The following GRIK1 variants were observed in gnomAD, a reference collection of about 807,000 sequenced individuals.
The protein encoded by GRIK1 is glutamate receptor ionotropic, kainate 1.
A neutral mutation model predicts 105.7 loss-of-function variants in GRIK1; 69 were observed. That is an observed-to-expected ratio of 0.65 (90% CI 0.54 to 0.80). The LOEUF (loss-of-function observed/expected upper bound fraction) is 0.80. GRIK1 is among the 30% of genes least tolerant of loss of function. The pLI, the probability that GRIK1 is intolerant of heterozygous loss-of-function variation, is 0.00. For synonymous variants in GRIK1, 438 were observed against 431.3 expected (o/e 1.02, Z -0.19); for missense variants, 1,109 against 1,167.3 (o/e 0.95, Z 0.73).
intron 13 of GRIK1, among the ~76,000 whole-genome samples, chr21:29,580,029 ATATATGTGTATATATG>A (rs2090986115): frequency 7.1e-6 from 1 of 141,670 alleles, no homozygotes; most frequent in African/African-American, 2.7e-5. Context: ...GTATATATGT[ATATATGTGTATATATG>A]TATATATGTA....
At chr21:29,687,934 T>C (rs1267268886) in intron 3 of GRIK1, among the ~76,000 whole-genome samples, 4 of 152,248 alleles carry the variant, frequency 2.6e-5, no homozygotes, top group Non-Finnish European at 4.4e-5. Context: ...GAGATGATTA[T>C]ACTACAGAGT....
chr21:29,847,230 C>T (rs1453262014), intron 1 of GRIK1, among the ~76,000 whole-genome samples: 1 of 152,044 alleles, frequency 6.6e-6, no homozygotes. Flanking sequence ...TCTATTTTGC[C>T]TTCCTGCCTC....
intron 14 of GRIK1, among the ~76,000 whole-genome samples, chr21:29,573,504 C>A (rs543726894): frequency 5.3e-5 from 8 of 150,904 alleles, no homozygotes; most frequent in African/African-American, 2.0e-4. Flanking sequence ...CTTTGGGAGG[C>A]CGAGACAGGT....
At chr21:29,621,489 A>G (rs756043123) in intron 7 of GRIK1, among the ~76,000 whole-genome samples, 1 of 152,218 alleles carries the variant, frequency 6.6e-6, no homozygotes, top group Non-Finnish European at 1.5e-5. Context: ...ATGCATCTAT[A>G]TAGTCCCAAG....
At chr21:29,857,806 G>T (rs2068507899) in intron 1 of GRIK1, among the ~76,000 whole-genome samples, 1 of 152,156 alleles carries the variant, frequency 6.6e-6, no homozygotes. Context: ...TAAGATTTGA[G>T]TTATCATGTC....
intron 1 of GRIK1, among the ~76,000 whole-genome samples, chr21:29,717,637 C>T (rs181441773): frequency 6.6e-6 from 1 of 152,326 alleles, no homozygotes; most frequent in East Asian, 1.9e-4. Context: ...AATGTCTACA[C>T]CCCCAATTGT....
chr21:29,540,846 G>A (rs966015865), intron 16 of GRIK1, among the ~76,000 whole-genome samples: 1 of 152,070 alleles, frequency 6.6e-6, no homozygotes, highest in Admixed American at 6.5e-5. Context: ...AAAAGGAGGC[G>A]GGATACTCAG....
chr21:29,553,877 C>T (rs943066947), intron 16 of GRIK1, among the ~76,000 whole-genome samples: 1 of 152,034 alleles, frequency 6.6e-6, no homozygotes, highest in African/African-American at 2.4e-5. Context: ...AACAAGACAC[C>T]TCAAGAGCAA....
intron 1 of GRIK1, among the ~76,000 whole-genome samples, chr21:29,891,864 A>C (rs540415899): frequency 6.6e-6 from 1 of 152,362 alleles, no homozygotes; most frequent in East Asian, 1.9e-4. Flanking sequence ...GAAAATGTAC[A>C]AATACAGTTT....
In GRIK1 at chr21:29,914,439, G is replaced by C. The variant is rs565828835; in HGVS notation, c.118+24944C>G. Among the ~76,000 whole-genome samples the C allele has an allele frequency of 3.3e-5, 5 of 152,102 alleles. No individual in the cohort carries two copies. In the South Asian group the frequency reaches 1.0e-3, roughly 32 times the overall value. ...CTCCATTTCCTTCCTGCCCCTATGG[G>C]GCAGTCATGTGAGAACTTAAGACTT... On this transcript the variant is annotated intron_variant, in intron 1 of 17. Transcript: ENST00000327783.
At chr21:29,654,422 A>G (rs903975823) in intron 5 of GRIK1, among the ~76,000 whole-genome samples, 5 of 152,232 alleles carry the variant, frequency 3.3e-5, no homozygotes, top group African/African-American at 1.2e-4. Context: ...TACTGGACAC[A>G]GGCAGCAAAG....
At chr21:29,618,565 T>C (rs2061904927) in intron 7 of GRIK1, among the ~76,000 whole-genome samples, 2 of 152,188 alleles carry the variant, frequency 1.3e-5, no homozygotes, top group South Asian at 4.1e-4. Context: ...CACATGCATG[T>C]TTATAGCAGC....
chr21:29,631,307 A>C (rs2062266659), intron 7 of GRIK1, among the ~76,000 whole-genome samples: 1 of 152,176 alleles, frequency 6.6e-6, no homozygotes, highest in Non-Finnish European at 1.5e-5. Context: ...AGGTCTTTAG[A>C]TGAAAATTAG....
At chr21:29,593,549 A>G (rs2061361975) in intron 9 of GRIK1, among the ~76,000 whole-genome samples, 1 of 152,194 alleles carries the variant, frequency 6.6e-6, no homozygotes, top group African/African-American at 2.4e-5. Flanking sequence ...GTTGTGAACA[A>G]TTGACTCCTA....
At chr21:29,905,235 G>A (rs2070568034) in intron 1 of GRIK1, among the ~76,000 whole-genome samples, 1 of 152,020 alleles carries the variant, frequency 6.6e-6, no homozygotes, top group African/African-American at 2.4e-5. Flanking sequence ...ATTCAAATCT[G>A]AAATCGTCTG....
At chr21:29,849,846 A>G (rs922051230) in intron 1 of GRIK1, among the ~76,000 whole-genome samples, 3 of 152,178 alleles carry the variant, frequency 2.0e-5, no homozygotes, top group African/African-American at 7.2e-5. Context: ...ATAAAGATGC[A>G]GAGTGTAGAG....
intron 1 of GRIK1, among the ~76,000 whole-genome samples, chr21:29,858,661 G>T (rs1224180245): frequency 1.3e-5 from 2 of 152,050 alleles, no homozygotes. Flanking sequence ...GAGCTAAGGG[G>T]CTGCACAAGA....
intron 14 of GRIK1, among the ~76,000 whole-genome samples, chr21:29,575,848 CA>C (rs1370705263): frequency 1.3e-5 from 2 of 151,770 alleles, no homozygotes; most frequent in Admixed American, 6.6e-5. Context: ...AAAAACAAAA[CA>C]AAAAAACAGC....
At chr21:29,602,555 C>T (rs1418964192) in intron 7 of GRIK1, among the ~76,000 whole-genome samples, 2 of 152,140 alleles carry the variant, frequency 1.3e-5, no homozygotes, top group African/African-American at 2.4e-5. Context: ...GGAGAAGAAG[C>T]ACTTATCCCA....
Sources: gnomAD v4.1 joint callset for allele counts (sites outside exome capture counted in the v4.1 genomes callset) on GRCh38, gnomAD v4.1.1 for gene constraint, MANE v1.5 for transcripts, NCBI Gene and HGNC (gene_info 2026-07-23, HGNC 2026-07-21) for gene names.